CCDC12: variants seen among roughly 807,000 people sequenced by gnomAD.
The protein encoded by CCDC12 is coiled-coil domain containing 12.
Under a neutral mutation model 25.7 loss-of-function variants are expected in CCDC12, and 28 were observed. The ratio of observed to expected loss-of-function variants is 1.09; its 90% CI spans 0.81 to 1.50. CCDC12 has a LOEUF of 1.50. CCDC12 is among the 40% of genes most tolerant of loss of function. The pLI is 0.00. For missense variants in CCDC12, 198 were observed against 210.0 expected, an observed-to-expected ratio of 0.94 and a Z score of 0.35; for synonymous variants, 75 against 87.7, an observed-to-expected ratio of 0.86 and a Z score of 0.81.
intron 1 of CCDC12, among the ~76,000 whole-genome samples, chr3:46,944,184 G>A (rs1323820057): frequency 6.6e-6 from 1 of 152,164 alleles, no homozygotes; most frequent in Non-Finnish European, 1.5e-5. Context: ...TGGCAGTCAG[G>A]GAAAAGGAAA....
chr3:46,933,612 T>C (rs953605350), intron 2 of CCDC12, among the ~76,000 whole-genome samples: 1 of 152,248 alleles, frequency 6.6e-6, no homozygotes, highest in African/African-American at 2.4e-5. Context: ...CAAGGTGCTC[T>C]ACACTGACAA....
intron 1 of CCDC12, among the ~76,000 whole-genome samples, chr3:46,963,142 C>G (rs1463021967): frequency 6.6e-6 from 1 of 152,210 alleles, no homozygotes; most frequent in Non-Finnish European, 1.5e-5. Context: ...TCTCGTGTTA[C>G]AAGTCCAGAG....
chr3:46,923,636 C>A lies in CCDC12; in HGVS notation c.277G>T (p.Ala93Ser), dbSNP rs200462081. Residue 93 changes from alanine to serine, a missense_variant, in exon 4 of 7, where the codon GCC becomes TCC. Physicochemically the swap from Ala to Ser is moderately conservative, Grantham distance 99. Coordinates refer to ENST00000683445, the MANE Select transcript of CCDC12 (RefSeq NM_001277074.2). ...TCCTCGATGACGGGCTCGGGCTTGGCGGCCTCCAGCTGCTCCTTCACCTTC... is the reference window on the plus strand; with the variant it reads ...TCCTCGATGACGGGCTCGGGCTTGGAGGCCTCCAGCTGCTCCTTCACCTTC... ...EEKVKEQLEA[A>S]KPEPVIEEVD... is the part of the protein sequence containing the mutation. The A allele has an allele frequency of 1.3e-6, 2 of 1,580,780 alleles. No individual in the cohort carries two copies. Among genetic ancestry groups the A allele is most frequent in the Admixed American group, 3.5e-5 (2 of 56,586 alleles).
intron 1 of CCDC12, among the ~76,000 whole-genome samples, chr3:46,955,105 G>A (rs145498737): frequency 6.6e-6 from 1 of 152,274 alleles, no homozygotes; most frequent in East Asian, 1.9e-4. Context: ...ACAGATCGAA[G>A]AAACCTAACT....
chr3:46,950,496 T>TTGG, intron 1 of CCDC12, among the ~76,000 whole-genome samples: 1 of 149,282 alleles, frequency 6.7e-6, no homozygotes, highest in Non-Finnish European at 1.5e-5. Flanking sequence ...TTTTTTTTTT[T>TTGG]GGGGTAGAGA....
At chr3:46,933,829 T>G (rs1235439893) in intron 2 of CCDC12, among the ~76,000 whole-genome samples, 1 of 152,254 alleles carries the variant, frequency 6.6e-6, no homozygotes, top group Non-Finnish European at 1.5e-5. Context: ...GAAAAAATGT[T>G]ACAAAACAGC....
upstream of CCDC12, chr3:46,976,768 G>C: frequency 6.3e-7 from 1 of 1,575,634 alleles, no homozygotes; most frequent in Non-Finnish European, 8.6e-7. Context: ...CTCCCGTCTT[G>C]CATCGCGCAG....
At chr3:46,961,868 A>G (rs577732811) in intron 1 of CCDC12, among the ~76,000 whole-genome samples, 1 of 152,338 alleles carries the variant, frequency 6.6e-6, no homozygotes, top group East Asian at 1.9e-4. Flanking sequence ...AACTCTTCTA[A>G]AACACAAATG....
intron 2 of CCDC12, among the ~76,000 whole-genome samples, chr3:46,936,816 G>A (rs1464385549): frequency 6.6e-6 from 1 of 152,238 alleles, no homozygotes; most frequent in Non-Finnish European, 1.5e-5. Context: ...GAGAGTAACT[G>A]AGGCAGATGG....
At chr3:46,977,101 T>C, upstream of CCDC12, 1 of 272,180 alleles carries the variant, frequency 3.7e-6, no homozygotes, top group Non-Finnish European at 7.1e-6. Flanking sequence ...CTAACCACAC[T>C]AATCACTCCA....
chr3:46,962,200 G>C (rs565930784), intron 1 of CCDC12, among the ~76,000 whole-genome samples: 64 of 152,190 alleles, frequency 4.2e-4, no homozygotes, highest in African/African-American at 1.3e-3. Flanking sequence ...TTGGGAGGCT[G>C]AGGGGGGTGG....
At chr3:46,976,791 T>C (rs1457264342), upstream of CCDC12, 3 of 1,551,388 alleles carry the variant, frequency 1.9e-6, no homozygotes, top group South Asian at 1.2e-5. Context: ...CTAAGGAGAG[T>C]GGATAAATGT....
Position 46,941,149 on chromosome 3 carries a change from C to A in CCDC12, c.97-84G>T, listed in dbSNP as rs1188262767. 3.7e-6 allele frequency: 5 copies of A among 1,359,266 alleles called. No individual in the cohort carries two copies. The African/African-American group carries it at 7.1e-5, about 19-fold the overall frequency. 84.2% of individuals were successfully genotyped at this position (1,359,266 alleles called of 1,614,324 possible). A position where few individuals can be genotyped will look rare whatever the true frequency, so the allele number is the denominator to read the frequency against. Reference sequence around the variant, plus strand: ...TGGCCCAGGGAGCTAAAGAACAGGACATCTCAGAAGGGGGGCACCTGGCAG... The same window carrying A: ...TGGCCCAGGGAGCTAAAGAACAGGAAATCTCAGAAGGGGGGCACCTGGCAG... On this transcript the variant is annotated intron_variant, in intron 1 of 6. Coordinates refer to ENST00000683445, the MANE Select transcript of CCDC12 (RefSeq NM_001277074.2).
intron 1 of CCDC12, among the ~76,000 whole-genome samples, chr3:46,949,685 A>ACTTTT (rs1237401019): frequency 7.4e-4 from 112 of 152,308 alleles, no homozygotes; most frequent in African/African-American, 2.6e-3. Flanking sequence ...ATACAAGGCA[A>ACTTTT]CTTGGGTCCA....
At chr3:46,938,248 G>T (rs1575544694) in intron 2 of CCDC12, among the ~76,000 whole-genome samples, 1 of 152,302 alleles carries the variant, frequency 6.6e-6, no homozygotes, top group African/African-American at 2.4e-5. Flanking sequence ...TCAGGACAGG[G>T]CCTCAGAGCA....
chr3:46,966,706 G>A (rs1430561504), intron 1 of CCDC12, among the ~76,000 whole-genome samples: 7 of 152,158 alleles, frequency 4.6e-5, no homozygotes, highest in South Asian at 4.2e-4. Flanking sequence ...TGGATGTCCC[G>A]GCTGGGGTCC....
chr3:46,940,539 C>T (rs972062568), intron 2 of CCDC12: 1 of 164,756 alleles, frequency 6.1e-6, no homozygotes. Context: ...AGAGGACGGA[C>T]AAAAGACTGG....
intron 3 of CCDC12, 195 bp from the exon 4 acceptor site, chr3:46,923,863 G>A: frequency 4.7e-6 from 2 of 423,498 alleles, no homozygotes; most frequent in Middle Eastern, 6.1e-4. Flanking sequence ...TTCCCAGGAT[G>A]AAGCATTCCC....
chr3:46,959,712 G>A (rs990242951), intron 1 of CCDC12, among the ~76,000 whole-genome samples: 13 of 152,148 alleles, frequency 8.5e-5, no homozygotes, highest in African/African-American at 2.4e-4. Context: ...GGGACAGGGA[G>A]GTGGCAAGGA....
Sources: gnomAD v4.1 joint callset for allele counts (sites outside exome capture counted in the v4.1 genomes callset) on GRCh38, gnomAD v4.1.1 for gene constraint, MANE v1.5 for transcripts, NCBI Gene and HGNC (gene_info 2026-07-23, HGNC 2026-07-21) for gene names.